Variants in SLC41A2 observed in about 807,000 individuals in gnomAD.
SLC41A2 encodes the protein SLC41A1-like 1.
A neutral mutation model predicts 58.3 loss-of-function variants in SLC41A2; 32 were observed. That is an observed-to-expected ratio of 0.55 (90% CI 0.41 to 0.74). SLC41A2 has a LOEUF of 0.74. SLC41A2 is among the 30% of genes least tolerant of loss of function. SLC41A2 has a pLI of 0.00. For missense variants in SLC41A2, 514 were observed against 680.6 expected (o/e 0.76, Z 2.72); for synonymous variants, 190 against 235.0 (o/e 0.81, Z 1.75).
chr12:104,927,685 A>C (rs2046898308), intron 2 of SLC41A2, among the ~76,000 whole-genome samples: 1 of 152,186 alleles, frequency 6.6e-6, no homozygotes, highest in Non-Finnish European at 1.5e-5. Context: ...GAAAGTATTT[A>C]AATATAACAT....
chr12:104,859,128 G>A (rs112102736), intron 8 of SLC41A2, among the ~76,000 whole-genome samples: 13 of 152,222 alleles, frequency 8.5e-5, no homozygotes, highest in African/African-American at 3.1e-4. Flanking sequence ...AATCTTTGTA[G>A]GGACAATATA....
chr12:104,831,494 T>C (rs2042034679), intron 10 of SLC41A2, among the ~76,000 whole-genome samples: 2 of 152,232 alleles, frequency 1.3e-5, no homozygotes, highest in Admixed American at 1.3e-4. Flanking sequence ...TCTGTAAGAT[T>C]ATAATACCAT....
intron 6 of SLC41A2, among the ~76,000 whole-genome samples, chr12:104,881,785 T>C (rs1402656525): frequency 6.6e-6 from 1 of 152,206 alleles, no homozygotes; most frequent in East Asian, 1.9e-4. Context: ...GAAGAATGTA[T>C]ATTCTGTTGA....
intron 10 of SLC41A2, among the ~76,000 whole-genome samples, chr12:104,817,567 C>T (rs2041463043): frequency 6.6e-6 from 1 of 151,278 alleles, no homozygotes; most frequent in Non-Finnish European, 1.5e-5. Flanking sequence ...AGGCTTTTTC[C>T]TATTTTTATT....
intron 6 of SLC41A2, among the ~76,000 whole-genome samples, chr12:104,866,895 T>C (rs1458444177): frequency 6.6e-6 from 1 of 152,122 alleles, no homozygotes; most frequent in Non-Finnish European, 1.5e-5. Flanking sequence ...GCTCCTACTA[T>C]ATACCAAGTA....
At chr12:104,827,858 A>T (rs1592949594) in intron 10 of SLC41A2, among the ~76,000 whole-genome samples, 1 of 152,064 alleles carries the variant, frequency 6.6e-6, no homozygotes, top group East Asian at 1.9e-4. Context: ...TCAGAGGGGG[A>T]TAATGATACA....
intron 10 of SLC41A2, among the ~76,000 whole-genome samples, chr12:104,834,727 A>G (rs1192278868): frequency 6.6e-6 from 1 of 152,120 alleles, no homozygotes; most frequent in East Asian, 1.9e-4. Context: ...AGGGCCTACT[A>G]TGTGTCAAGT....
intron 10 of SLC41A2, among the ~76,000 whole-genome samples, chr12:104,829,675 C>T (rs2041974457): frequency 6.6e-6 from 1 of 151,912 alleles, no homozygotes; most frequent in Non-Finnish European, 1.5e-5. Flanking sequence ...CAGATTTCAT[C>T]TCTGTATATT....
At chr12:104,853,736 T>C (rs2042891780) in intron 8 of SLC41A2, among the ~76,000 whole-genome samples, 1 of 150,306 alleles carries the variant, frequency 6.7e-6, no homozygotes, top group Non-Finnish European at 1.5e-5. Flanking sequence ...TGTATGTATG[T>C]ATGTATGTAT....
At chr12:104,888,885 TG>T in intron 5 of SLC41A2, 147 bp downstream of exon 5, 1 of 815,686 alleles carries the variant, frequency 1.2e-6, no homozygotes, top group Non-Finnish European at 1.8e-6. Context: ...TAAATATATC[TG>T]GAATAACTAA....
At chr12:104,886,783 CAAAT>C (rs1476187498) in intron 5 of SLC41A2, among the ~76,000 whole-genome samples, 4 of 151,414 alleles carry the variant, frequency 2.6e-5, no homozygotes, top group African/African-American at 9.7e-5. Context: ...TTTTAACCCT[CAAAT>C]AAAGTATGAA....
At chr12:104,937,721 T>C (rs2047340859) in intron 1 of SLC41A2, among the ~76,000 whole-genome samples, 1 of 152,204 alleles carries the variant, frequency 6.6e-6, no homozygotes, top group African/African-American at 2.4e-5. Flanking sequence ...TGGCATCAAC[T>C]GGGAGACTAA....
At chr12:104,912,990 CT>C (rs766919517) in intron 2 of SLC41A2, among the ~76,000 whole-genome samples, 6 of 152,278 alleles carry the variant, frequency 3.9e-5, no homozygotes, top group Middle Eastern at 6.8e-3. Flanking sequence ...TGCCATCATG[CT>C]TTAGACCTGT....
chr12:104,945,369 G>A (rs61122332), intron 1 of SLC41A2, among the ~76,000 whole-genome samples: 2,201 of 151,258 alleles, frequency 0.015, 67 homozygotes, highest in African/African-American at 0.05. Flanking sequence ...GCGTGGTGGC[G>A]GGCGCCTGTA....
chr12:104,876,595 T>C (rs1448753550), intron 6 of SLC41A2, among the ~76,000 whole-genome samples: 1 of 152,200 alleles, frequency 6.6e-6, no homozygotes, highest in East Asian at 1.9e-4. Context: ...TGATTCCTAG[T>C]TTCATACCAC....
chr12:104,894,222 C>T (rs935259193), intron 4 of SLC41A2, among the ~76,000 whole-genome samples: 5 of 151,786 alleles, frequency 3.3e-5, no homozygotes, highest in Non-Finnish European at 5.9e-5. Context: ...GGCGTGGTGG[C>T]GCGTACCTGT....
rs750130703 is a variant in SLC41A2 at position 104,886,450 on chromosome 12, G to T, written c.881-11C>A. On this transcript the variant is annotated splice_polypyrimidine_tract_variant and intron_variant, in intron 5 of 10. Coordinates refer to ENST00000258538, the MANE Select transcript of SLC41A2 (RefSeq NM_001352171.3). The stretch of plus-strand genomic sequence containing the variant: ...CAACCATTATTATTCCTAGAAGAAA[G>T]AATGTTCATTACTTTTTAGGCTATG... 8 of 1,610,464 alleles carry T rather than the reference G, an allele frequency of 5.0e-6. No homozygotes were observed. Among genetic ancestry groups the T allele is most frequent in the Admixed American group, 3.4e-5 (2 of 59,606 alleles).
chr12:104,839,861 C>T (rs536142407), intron 10 of SLC41A2, among the ~76,000 whole-genome samples: 1 of 152,170 alleles, frequency 6.6e-6, no homozygotes, highest in Non-Finnish European at 1.5e-5. Flanking sequence ...TGTCATCCAA[C>T]AGATGACATG....
chr12:104,874,276 G>A (rs1158885245), intron 6 of SLC41A2, among the ~76,000 whole-genome samples: 3 of 151,836 alleles, frequency 2.0e-5, no homozygotes, highest in East Asian at 1.9e-4. Context: ...GGTTTTCACC[G>A]TGTTAGCCAG....
Sources: allele counts gnomAD v4.1 joint callset (sites outside exome capture counted in the v4.1 genomes callset), GRCh38; gene constraint gnomAD v4.1.1; transcripts MANE v1.5; gene names NCBI Gene and HGNC (gene_info 2026-07-23, HGNC 2026-07-21).